The following SULF1 variants were observed in gnomAD, a reference collection of about 807,000 sequenced individuals.
SULF1 encodes sulfatase 1, also known as extracellular sulfatase Sulf-1.
A neutral mutation model predicts 110.5 loss-of-function variants in SULF1; 46 were observed. The observed-to-expected ratio is 0.42, with a 90% confidence interval of 0.33 to 0.53. The LOEUF (loss-of-function observed/expected upper bound fraction) is 0.53. Ranked by LOEUF, SULF1 falls within the 20% of genes least tolerant of loss-of-function variation. SULF1 has a pLI of 0.12. For missense variants in SULF1, 941 were observed against 1,094.2 expected (o/e 0.86, Z 1.98); for synonymous variants, 371 against 387.1 (o/e 0.96, Z 0.49).
chr8:69,575,916 A>T (rs371560395), intron 5 of SULF1, 54 bp from the exon 6 acceptor site: 1 of 1,588,084 alleles, frequency 6.3e-7, no homozygotes, highest in African/African-American at 1.3e-5. Flanking sequence ...CACAATCGAA[A>T]TAGGCATTCA....
intron 8 of SULF1, among the ~76,000 whole-genome samples, chr8:69,596,846 T>C (rs1325333715): frequency 6.6e-6 from 1 of 152,142 alleles, no homozygotes; most frequent in Non-Finnish European, 1.5e-5. Context: ...CCTATGAGAA[T>C]GGGTATGATA....
At chr8:69,594,240 G>A (rs1401655994) in intron 8 of SULF1, among the ~76,000 whole-genome samples, 4 of 152,182 alleles carry the variant, frequency 2.6e-5, no homozygotes, top group South Asian at 2.1e-4. Context: ...TAGTGGAAAC[G>A]GGTTTTCTCC....
At chr8:69,593,433 G>C (rs1435323120) in intron 8 of SULF1, among the ~76,000 whole-genome samples, 1 of 152,192 alleles carries the variant, frequency 6.6e-6, no homozygotes, top group Admixed American at 6.5e-5. Flanking sequence ...CAAGTAACGT[G>C]AACACTTTCC....
intron 14 of SULF1, among the ~76,000 whole-genome samples, chr8:69,621,582 A>C (rs945763547): frequency 6.6e-6 from 1 of 152,270 alleles, no homozygotes; most frequent in East Asian, 1.9e-4. Flanking sequence ...CGTAATGCCA[A>C]CATCTCCTGA....
At chr8:69,607,076 G>A (rs1305628888) in intron 13 of SULF1, among the ~76,000 whole-genome samples, 2 of 152,216 alleles carry the variant, frequency 1.3e-5, no homozygotes, top group Non-Finnish European at 2.9e-5. Context: ...CGAACCAGCA[G>A]GATCAGCATC....
intron 3 of SULF1, among the ~76,000 whole-genome samples, chr8:69,512,802 T>C (rs1159406195): frequency 6.6e-6 from 1 of 152,200 alleles, no homozygotes; most frequent in African/African-American, 2.4e-5. Flanking sequence ...CTGCTCTTGC[T>C]TCCTCAGACA....
intron 3 of SULF1, among the ~76,000 whole-genome samples, chr8:69,520,137 A>G (rs1357165861): frequency 6.6e-6 from 1 of 151,712 alleles, no homozygotes; most frequent in Non-Finnish European, 1.5e-5. Context: ...ACACACACAC[A>G]CACACACACA....
In SULF1 at chr8:69,604,838, A is replaced by C. The variant is rs1462152942; in HGVS notation, c.1283A>C (p.Asn428Thr). The change falls in exon 13 of 23, where the codon AAT (asparagine) becomes ACT (threonine). Residue 428 changes from asparagine to threonine, a missense_variant. Physicochemically the swap from Asn to Thr is moderately conservative, Grantham distance 65 (BLOSUM62 0). This residue lies in a region of SULF1 where 822 missense variants were observed against 934.3 expected (regional missense o/e 0.88). Coordinates refer to ENST00000402687, the MANE Select transcript of SULF1 (RefSeq NM_001128205.2). ...FLRKKEESSK[N>T]IQQSNHLPKY... ...CGTAAGAAGGAAGAATCCAGCAAGAATATCCAACAGTCAAATCACTTGCCC... is the reference window on the plus strand; with the variant it reads ...CGTAAGAAGGAAGAATCCAGCAAGACTATCCAACAGTCAAATCACTTGCCC... 11 of 1,614,110 alleles carry C rather than the reference A, an allele frequency of 6.8e-6. 1 individual carries two copies. The Admixed American group carries it at 1.8e-4, about 27-fold the overall frequency.
intron 1 of SULF1, among the ~76,000 whole-genome samples, chr8:69,471,998 TGA>T (rs3059922): frequency 2.4e-4 from 36 of 148,974 alleles, no homozygotes; most frequent in South Asian, 6.4e-4. Context: ...GGAGAGAAAG[TGA>T]GAGAGAGAGA....
intron 3 of SULF1, among the ~76,000 whole-genome samples, chr8:69,541,026 T>A (rs1813818190): frequency 6.6e-6 from 1 of 152,066 alleles, no homozygotes. Context: ...AGCTGAAAGA[T>A]TCCTGAAAAC....
intron 3 of SULF1, among the ~76,000 whole-genome samples, chr8:69,533,272 A>G (rs1813224200): frequency 6.6e-6 from 1 of 152,198 alleles, no homozygotes; most frequent in African/African-American, 2.4e-5. Flanking sequence ...GTTCCAGGGT[A>G]CATGTGCAGG....
At chr8:69,599,992 A>G (rs1013130030) in intron 8 of SULF1, among the ~76,000 whole-genome samples, 1 of 152,240 alleles carries the variant, frequency 6.6e-6, no homozygotes, top group Non-Finnish European at 1.5e-5. Context: ...TATTAAACGA[A>G]TAGCTTTATT....
intron 19 of SULF1, among the ~76,000 whole-genome samples, chr8:69,633,633 G>A (rs1162279406): frequency 2.6e-5 from 4 of 151,694 alleles, no homozygotes; most frequent in East Asian, 3.9e-4. Context: ...CACTGCACCC[G>A]GCCAGGACAT....
upstream of SULF1, among the ~76,000 whole-genome samples, chr8:69,490,934 C>T (rs1809910249): frequency 2.6e-5 from 4 of 152,176 alleles, no homozygotes; most frequent in South Asian, 8.3e-4. Flanking sequence ...GAGAGATGAT[C>T]CTACACTTGA....
At position 69,576,021 on chromosome 8, in the gene SULF1, C is replaced by A. The variant is rs758804596; in HGVS notation, c.224C>A (p.Ala75Asp). The change falls in exon 6 of 23, where the codon GCC (alanine) becomes GAC (aspartate). Residue 75 changes from alanine to aspartate, a missense_variant. Physicochemically the swap from Ala to Asp is moderately radical, Grantham distance 126 (BLOSUM62 -2). Coordinates refer to ENST00000402687, the MANE Select transcript of SULF1 (RefSeq NM_001128205.2). ...KTRKIMEHGG[A>D]TFINAFVTTP... ...AGAAAGATTATGGAACATGGGGGGG[C>A]CACCTTCATCAATGCCTTTGTGACT... is the stretch of plus-strand genomic sequence containing the variant. 1 of 1,614,094 alleles carries A rather than the reference C, an allele frequency of 6.2e-7. No homozygotes were observed.
chr8:69,648,507 G>A (rs926895122), intron 22 of SULF1, among the ~76,000 whole-genome samples: 2 of 152,204 alleles, frequency 1.3e-5, no homozygotes, highest in African/African-American at 4.8e-5. Flanking sequence ...GAGGCTCTGT[G>A]GAGGGGATGA....
chr8:69,499,438 T>G (rs1358347663), intron 2 of SULF1, among the ~76,000 whole-genome samples: 1 of 152,204 alleles, frequency 6.6e-6, no homozygotes, highest in Admixed American at 6.5e-5. Context: ...AAAAACATTT[T>G]AACAAAAGGA....
In SULF1 at chr8:69,621,125, C is replaced by T. The variant is rs754470004; in HGVS notation, c.1468C>T (p.Arg490Trp). 6.2e-5 allele frequency: 100 copies of T among 1,613,924 alleles called. No individual in the cohort carries two copies. The South Asian group carries it at 7.9e-4, about 13-fold the overall frequency. The change falls in exon 14 of 23, where the codon CGG (arginine) becomes TGG (tryptophan). Residue 490 changes from arginine to tryptophan, a missense_variant. Transcript: ENST00000402687. Reference protein sequence around the residue: ...SDLLTVRQSTRNLYARGFHDK... With the variant: ...SDLLTVRQSTWNLYARGFHDK... The stretch of plus-strand genomic sequence containing the variant: ...CCTGCTCACAGTCCGGCAGAGCACG[C>T]GGAACCTCTACGCTCGCGGCTTCCA...
chr8:69,616,298 C>A (rs1374132588), intron 13 of SULF1, among the ~76,000 whole-genome samples: 1 of 151,684 alleles, frequency 6.6e-6, no homozygotes, highest in Non-Finnish European at 1.5e-5. Flanking sequence ...CGGGTCACTG[C>A]AACCTCTGCC....
Sources: allele counts gnomAD v4.1 joint callset (sites outside exome capture counted in the v4.1 genomes callset), GRCh38; gene constraint gnomAD v4.1.1; regional missense constraint gnomAD v4.1.1; transcripts MANE v1.5; gene names NCBI Gene and HGNC (gene_info 2026-07-23, HGNC 2026-07-21).